Variants in RABEP1 observed in about 807,000 individuals in gnomAD.
The protein encoded by RABEP1 is rab GTPase-binding effector protein 1.
In RABEP1, 51 loss-of-function variants were observed where a neutral mutation model predicts 123.4. The observed-to-expected ratio is 0.41, with a 90% CI of 0.33 to 0.52. The LOEUF is 0.52. Ranked by LOEUF, RABEP1 falls within the 20% of genes least tolerant of loss-of-function variation. RABEP1 has a pLI of 0.16. For missense variants in RABEP1, 888 were observed against 996.3 expected (o/e 0.89, Z 1.46); for synonymous variants, 347 against 355.2 (o/e 0.98, Z 0.26).
In RABEP1 at chr17:5,383,498, G is replaced by GTTTCCTTGCCTGCT. The variant is rs1911674317; in HGVS notation, c.*278_*291dup. The stretch of plus-strand genomic sequence containing the variant: ...CAGATTTGGTGATGGAAAAAGCGCT[G>GTTTCCTTGCCTGCT]TTTCCTTGCCTGCTTTCTCCAAGAC... On this transcript the variant is annotated 3_prime_UTR_variant, in exon 18 of 18. Coordinates refer to ENST00000537505, the MANE Select transcript of RABEP1 (RefSeq NM_004703.6). 2.5e-6 allele frequency: 1 copy of GTTTCCTTGCCTGCT among 395,204 alleles called. No individual in the cohort carries two copies. Among genetic ancestry groups the GTTTCCTTGCCTGCT allele is most frequent in the African/African-American group, 2.0e-5 (1 of 50,036 alleles). 24.5% of individuals were successfully genotyped at this position (395,204 alleles called of 1,614,324 possible).
rs1909544656 is a variant in RABEP1 at position 5,361,595 on chromosome 17, C to T, written c.1483C>T (p.Gln495Ter). 1 of 1,614,066 alleles carries T rather than the reference C, an allele frequency of 6.2e-7. No homozygotes were observed. Among genetic ancestry groups the T allele is most frequent in the African/African-American group, 1.3e-5 (1 of 74,926 alleles). ...ETASLLSSVT[Q>*]GMESAYVSPS... Reference sequence around the variant, plus strand: ...AGCGTCCCTCCTCTCCAGCGTTACCCAGGGCATGGAGAGTGCCTATGTGTC... The same window carrying T: ...AGCGTCCCTCCTCTCCAGCGTTACCTAGGGCATGGAGAGTGCCTATGTGTC... Residue 495 changes from glutamine to a stop codon, truncating the protein, a stop_gained, in exon 9 of 18, where the codon CAG (glutamine) becomes TAG (stop). Coordinates refer to ENST00000537505, the MANE Select transcript of RABEP1 (RefSeq NM_004703.6). LOFTEE classifies it high-confidence loss of function.
intron 8 of RABEP1, among the ~76,000 whole-genome samples, chr17:5,359,787 A>T (rs1313146774): frequency 1.3e-5 from 2 of 152,240 alleles, no homozygotes; most frequent in Non-Finnish European, 2.9e-5. Flanking sequence ...AAACGTAGAA[A>T]GGATATTATC....
intron 2 of RABEP1, among the ~76,000 whole-genome samples, chr17:5,327,331 G>C (rs1372659658): frequency 1.3e-5 from 2 of 148,936 alleles, no homozygotes; most frequent in Non-Finnish European, 3.0e-5. Flanking sequence ...CTGGGAGACA[G>C]AGTGAGATTC....
At chr17:5,327,432 T>G (rs976979042) in intron 2 of RABEP1, among the ~76,000 whole-genome samples, 1 of 152,120 alleles carries the variant, frequency 6.6e-6, no homozygotes, top group Admixed American at 6.5e-5. Context: ...CAGTATGATG[T>G]TACCATGGCT....
intron 10 of RABEP1, 140 bp downstream of exon 10, chr17:5,363,156 C>A: frequency 1.6e-6 from 1 of 627,480 alleles, no homozygotes; most frequent in East Asian, 3.0e-5. Context: ...TAACCTGGTA[C>A]ATGCAATGGC....
At chr17:5,318,489 G>A (rs2075320307) in intron 2 of RABEP1, among the ~76,000 whole-genome samples, 2 of 152,072 alleles carry the variant, frequency 1.3e-5, no homozygotes, top group African/African-American at 4.8e-5. Flanking sequence ...TGTACTCTAG[G>A]TCCCATATAT....
chr17:5,296,926 A>G (rs1195264660), intron 1 of RABEP1, among the ~76,000 whole-genome samples: 2 of 152,058 alleles, frequency 1.3e-5, no homozygotes, highest in African/African-American at 4.8e-5. Context: ...TTTTGTAGAG[A>G]AGAGGTTTCA....
At chr17:5,299,530 A>C (rs746868038) in intron 1 of RABEP1, among the ~76,000 whole-genome samples, 1 of 151,696 alleles carries the variant, frequency 6.6e-6, no homozygotes. Flanking sequence ...ATGAGTCCCT[A>C]GGGCCACTGA....
chr17:5,342,218 A>AAAAAAAAAG (rs1431782643), intron 5 of RABEP1, among the ~76,000 whole-genome samples: 1 of 151,150 alleles, frequency 6.6e-6, no homozygotes, highest in South Asian at 2.1e-4. Context: ...TCACAAGAGT[A>AAAAAAAAAG]AAAAAAAAGA....
chr17:5,344,555 G>A (rs1001165723), intron 5 of RABEP1, among the ~76,000 whole-genome samples: 4 of 151,808 alleles, frequency 2.6e-5, no homozygotes, highest in Non-Finnish European at 5.9e-5. Flanking sequence ...GGCGGATCAC[G>A]AGGTCAGGAG....
At chr17:5,287,618 A>C (rs888924209) in intron 1 of RABEP1, among the ~76,000 whole-genome samples, 25 of 146,558 alleles carry the variant, frequency 1.7e-4, no homozygotes, top group Admixed American at 1.2e-3. Flanking sequence ...AAAAAAAAAA[A>C]AAAAACCCAA....
chr17:5,367,354 G>A (rs568225580), intron 11 of RABEP1, among the ~76,000 whole-genome samples: 9 of 150,798 alleles, frequency 6.0e-5, no homozygotes, highest in Non-Finnish European at 7.4e-5. Flanking sequence ...TCACTGCAAC[G>A]TCTGCCTCCC....
intron 17 of RABEP1, among the ~76,000 whole-genome samples, chr17:5,382,617 T>C (rs151195310): frequency 0.063 from 9,492 of 151,860 alleles, 504 homozygotes; most frequent in African/African-American, 0.15. Context: ...CCGGGCATGG[T>C]GGCGTGTGCT....
chr17:5,303,017 C>G (rs1216031021), intron 1 of RABEP1, among the ~76,000 whole-genome samples: 2 of 152,120 alleles, frequency 1.3e-5, no homozygotes, highest in East Asian at 3.8e-4. Flanking sequence ...TAAAGCATCT[C>G]ATTGCCTTTT....
At chr17:5,298,362 A>G (rs1168427383) in intron 1 of RABEP1, among the ~76,000 whole-genome samples, 1 of 152,148 alleles carries the variant, frequency 6.6e-6, no homozygotes, top group African/African-American at 2.4e-5. Flanking sequence ...ATATGGTTCT[A>G]AGAGGTGTTT....
At chr17:5,323,772 A>ATTTCTAGGAATATATATATATT (rs796354247) in intron 2 of RABEP1, among the ~76,000 whole-genome samples, 1 of 97,266 alleles carries the variant, frequency 1.0e-5, no homozygotes, top group African/African-American at 4.4e-5. Flanking sequence ...ATATATATAT[A>ATTTCTAGGAATATATATATATT]TCTAGGAATA....
intron 1 of RABEP1, among the ~76,000 whole-genome samples, chr17:5,294,740 T>A (rs573355327): frequency 7.1e-6 from 1 of 141,064 alleles, no homozygotes; most frequent in Non-Finnish European, 1.5e-5. Flanking sequence ...CTCTGCCTCC[T>A]GGGTTTGCGC....
At chr17:5,324,755 T>A (rs868781663) in intron 2 of RABEP1, among the ~76,000 whole-genome samples, 4 of 152,318 alleles carry the variant, frequency 2.6e-5, no homozygotes, top group African/African-American at 9.6e-5. Context: ...AAATAGGCAT[T>A]TTTCAAAAGA....
At chr17:5,366,658 C>T (rs1344023828) in intron 11 of RABEP1, among the ~76,000 whole-genome samples, 2 of 151,898 alleles carry the variant, frequency 1.3e-5, no homozygotes, top group Non-Finnish European at 2.9e-5. Flanking sequence ...GTTGGCCAGG[C>T]TGGTCCTGAA....
Sources: gnomAD v4.1 joint callset for allele counts (sites outside exome capture counted in the v4.1 genomes callset) on GRCh38, gnomAD v4.1.1 for gene constraint, MANE v1.5 for transcripts, NCBI Gene and HGNC (gene_info 2026-07-23, HGNC 2026-07-21) for gene names.